MSRA: variants seen among roughly 807,000 people sequenced by gnomAD.
MSRA encodes the protein mitochondrial peptide methionine sulfoxide reductase.
In MSRA, 54 loss-of-function variants were observed where a neutral mutation model predicts 31.3. The ratio of observed to expected loss-of-function variants is 1.73; its 90% CI spans 1.39 to 2.17. The LOEUF is 2.17. MSRA is among the 30% of genes most tolerant of loss of function. The probability of loss-of-function intolerance (pLI) is 0.00; values close to 1 mark genes in which losing one functional copy is unlikely to be tolerated. For synonymous variants in MSRA, 169 were observed against 116.5 expected (o/e 1.45, Z -2.90); for missense variants, 507 against 300.9 (o/e 1.69, Z -5.07).
At position 10,382,416 on chromosome 8, in the gene MSRA, G is replaced by C. The variant is rs563969091; in HGVS notation, c.544-45732G>C. On this transcript the variant is annotated intron_variant, in intron 5 of 5. Coordinates refer to ENST00000317173, the MANE Select transcript of MSRA (RefSeq NM_012331.5). ...GACACCTGTACCCAGAGTCGCCCTT[G>C]TACTGCATTTGGTGGAAAGGTCCCT... is the stretch of plus-strand genomic sequence containing the variant. Among the ~76,000 whole-genome samples, 7 of 152,322 alleles carry C rather than the reference G, an allele frequency of 4.6e-5. No individual in the cohort carries two copies. In the East Asian group the frequency reaches 1.4e-3, roughly 29 times the overall value.
chr8:10,149,031 G>T (rs527884166), intron 1 of MSRA, among the ~76,000 whole-genome samples: 9 of 150,912 alleles, frequency 6.0e-5, no homozygotes, highest in African/African-American at 2.2e-4. Context: ...TCTTGGCTCA[G>T]TGTAACCTCT....
chr8:10,235,005 A>G (rs1811829639), intron 2 of MSRA, among the ~76,000 whole-genome samples: 1 of 152,138 alleles, frequency 6.6e-6, no homozygotes, highest in Non-Finnish European at 1.5e-5. Context: ...TAAGAATCAG[A>G]TGTCTCAATT....
chr8:10,157,112 A>G (rs35109120), intron 1 of MSRA, among the ~76,000 whole-genome samples: 30,861 of 151,804 alleles, frequency 0.2, 3,597 homozygotes, highest in East Asian at 0.5. Context: ...TCTGACTCTA[A>G]TTTACCTATA....
chr8:10,383,424 A>G (rs964105519), intron 5 of MSRA, among the ~76,000 whole-genome samples: 16 of 152,168 alleles, frequency 1.1e-4, no homozygotes, highest in African/African-American at 3.6e-4. Flanking sequence ...TTTGTGGCCT[A>G]TTCTAACTCA....
intron 1 of MSRA, among the ~76,000 whole-genome samples, chr8:10,077,464 T>C (rs1236109003): frequency 6.6e-6 from 1 of 150,832 alleles, no homozygotes; most frequent in African/African-American, 2.4e-5. Context: ...ATGGATTCTT[T>C]TTCACTACCT....
intron 5 of MSRA, among the ~76,000 whole-genome samples, chr8:10,328,027 A>ATTTTTTTTT (rs35940076): frequency 7.7e-5 from 5 of 65,332 alleles, no homozygotes; most frequent in African/African-American, 2.1e-4. Flanking sequence ...CTCTATGGTA[A>ATTTTTTTTT]TTTTTTTTTT....
At chr8:10,277,983 G>C (rs1162186324) in intron 3 of MSRA, among the ~76,000 whole-genome samples, 1 of 152,066 alleles carries the variant, frequency 6.6e-6, no homozygotes, top group African/African-American at 2.4e-5. Context: ...ATTACAGCAG[G>C]GGCAAGTTGT....
chr8:10,228,537 A>G (rs956755654), intron 2 of MSRA, among the ~76,000 whole-genome samples: 7 of 152,236 alleles, frequency 4.6e-5, no homozygotes, highest in African/African-American at 1.7e-4. Context: ...CCATCCTTCA[A>G]ACCCTGTGTC....
intron 3 of MSRA, among the ~76,000 whole-genome samples, chr8:10,283,153 C>CAG (rs1563306446): frequency 4.1e-5 from 6 of 147,662 alleles, no homozygotes; most frequent in South Asian, 2.2e-4. Flanking sequence ...CACACACACA[C>CAG]ACACACACTC....
In MSRA at chr8:10,376,360, G is replaced by C. The variant is rs986390566; in HGVS notation, c.544-51788G>C. 5.3e-4 allele frequency among the ~76,000 whole-genome samples: 81 copies of C among 152,202 alleles called. 2 individuals are homozygous for C. Among genetic ancestry groups the C allele is most frequent in the Admixed American group, 5.3e-3 (81 of 15,288 alleles). ...GCAAGGCATCTGTAGGACTGCGCCT[G>C]TATTTTTAATCAAGTGCAGATTTAG... On this transcript the variant is annotated intron_variant, in intron 5 of 5. Transcript: ENST00000317173.
chr8:10,167,876 G>A (rs1805276755), intron 1 of MSRA, among the ~76,000 whole-genome samples: 1 of 152,134 alleles, frequency 6.6e-6, no homozygotes, highest in Admixed American at 6.5e-5. Context: ...AAAAAACATT[G>A]CCACTGCCCT....
intron 5 of MSRA, among the ~76,000 whole-genome samples, chr8:10,417,151 G>C (rs1808510569): frequency 6.6e-6 from 1 of 152,172 alleles, no homozygotes; most frequent in African/African-American, 2.4e-5. Flanking sequence ...AGATCTAATT[G>C]TGTCACCTCT....
intron 3 of MSRA, among the ~76,000 whole-genome samples, chr8:10,288,234 C>T (rs1033074085): frequency 1.3e-5 from 2 of 152,088 alleles, no homozygotes; most frequent in African/African-American, 2.4e-5. Context: ...TCTTGTCTCC[C>T]CCAGTCCCCT....
intron 1 of MSRA, among the ~76,000 whole-genome samples, chr8:10,056,881 A>C (rs576613301): frequency 9.8e-5 from 15 of 152,300 alleles, no homozygotes; most frequent in African/African-American, 3.1e-4. Flanking sequence ...GTTGCGTGAC[A>C]AAAGCATCAC....
At chr8:10,327,198 A>G (rs879930844) in intron 5 of MSRA, among the ~76,000 whole-genome samples, 1 of 152,214 alleles carries the variant, frequency 6.6e-6, no homozygotes, top group African/African-American at 2.4e-5. Context: ...TGTGTTTCAA[A>G]TATAAAACAG....
At chr8:10,082,253 C>G (rs1424759693) in intron 1 of MSRA, among the ~76,000 whole-genome samples, 1 of 152,056 alleles carries the variant, frequency 6.6e-6, no homozygotes, top group Non-Finnish European at 1.5e-5. Flanking sequence ...CCCTACAAAA[C>G]CTGACCCATA....
At chr8:10,160,718 C>T (rs1325813968) in intron 1 of MSRA, among the ~76,000 whole-genome samples, 1 of 151,994 alleles carries the variant, frequency 6.6e-6, no homozygotes, top group Non-Finnish European at 1.5e-5. Flanking sequence ...TTAGTAGAGA[C>T]AGGATTTCAC....
chr8:10,336,891 T>C (rs1170614993), intron 5 of MSRA: 2 of 152,208 alleles, frequency 1.3e-5, no homozygotes, highest in African/African-American at 4.8e-5. Context: ...GGAATTAACA[T>C]TTTTACAAAG....
chr8:10,116,427 C>A (rs1353339508), intron 1 of MSRA, among the ~76,000 whole-genome samples: 1 of 152,112 alleles, frequency 6.6e-6, no homozygotes, highest in Admixed American at 6.5e-5. Flanking sequence ...AAAAGTAATT[C>A]GTTTGATAAG....
Sources: allele counts gnomAD v4.1 joint callset (sites outside exome capture counted in the v4.1 genomes callset), GRCh38; gene constraint gnomAD v4.1.1; transcripts MANE v1.5; gene names NCBI Gene and HGNC (gene_info 2026-07-23, HGNC 2026-07-21).